CDKN2AIPNL: variants seen among roughly 807,000 people sequenced by gnomAD.
CDKN2AIPNL encodes the protein CDKN2AIP N-terminal-like protein.
In CDKN2AIPNL, 9 loss-of-function variants were observed where a neutral mutation model predicts 12.9. The observed-to-expected ratio is 0.70, with a 90% CI of 0.42 to 1.22. CDKN2AIPNL has a LOEUF of 1.22. CDKN2AIPNL is among the 50% of genes most tolerant of loss of function. CDKN2AIPNL has a pLI of 0.00. For missense variants in CDKN2AIPNL, 143 were observed against 153.6 expected (o/e 0.93, Z 0.37); for synonymous variants, 53 against 61.7 (o/e 0.86, Z 0.66).
At chr5:134,408,397 C>T (rs1350916690) in intron 2 of CDKN2AIPNL, among the ~76,000 whole-genome samples, 2 of 151,320 alleles carry the variant, frequency 1.3e-5, no homozygotes, top group Admixed American at 6.6e-5. Context: ...AGTCCTGGTG[C>T]GGTGGCTCAC....
intron 2 of CDKN2AIPNL, among the ~76,000 whole-genome samples, chr5:134,407,255 TAACACACA>T (rs1759118648): frequency 1.7e-5 from 1 of 58,956 alleles, no homozygotes; most frequent in South Asian, 6.8e-4. Context: ...AGACCCTTCC[TAACACACA>T]CACACACACA....
At position 134,402,985 on chromosome 5, in the gene CDKN2AIPNL, T is replaced by C. The variant is rs1458629634; in HGVS notation, c.340-59A>G. ...CATGTAGTCCAGTGAATCAAATTCA[T>C]CTTCATAAATTAAAATATAGCAGTG... On this transcript the variant is annotated intron_variant, in intron 2 of 2. Transcript: ENST00000458198. The C allele has an allele frequency of 2.1e-6, 3 of 1,453,500 alleles. No homozygotes were observed. The African/African-American group carries it at 4.2e-5, about 20-fold the overall frequency. 90.0% of individuals were successfully genotyped at this position (1,453,500 alleles called of 1,614,324 possible).
rs1759038426 is a variant in CDKN2AIPNL at position 134,402,181 on chromosome 5, C to G, written c.*734G>C. ...GTGCGATCTTGGCTCACTGCAACCT[C>G]CACCTCCCAGGTTCAAGCAGTTCTT... On this transcript the variant is annotated 3_prime_UTR_variant, in exon 3 of 3. Coordinates refer to ENST00000458198, the MANE Select transcript of CDKN2AIPNL (RefSeq NM_080656.3). 1.3e-5 allele frequency: 2 copies of G among 152,116 alleles called. No homozygotes were observed. The highest frequency in any genetic ancestry group is 1.3e-4 in the Admixed American group (2 of 15,238). 9.4% of individuals were successfully genotyped at this position (152,116 alleles called of 1,614,324 possible). A position where few individuals can be genotyped will look rare whatever the true frequency, so the allele number is the denominator to read the frequency against.
At position 134,411,819 on chromosome 5, in the gene CDKN2AIPNL, C is replaced by T. The variant is rs1434065255; in HGVS notation, c.36G>A (p.Glu12=). The T allele has an allele frequency of 6.3e-7, 1 of 1,596,876 alleles. No homozygotes were observed. The highest frequency in any genetic ancestry group is 8.5e-7 in the Non-Finnish European group (1 of 1,172,890). The change falls in exon 1 of 3, where the codon GAG becomes GAA. Residue 12 remains glutamate (E), a synonymous_variant. Coordinates refer to ENST00000458198, the MANE Select transcript of CDKN2AIPNL (RefSeq NM_080656.3). ...VGGEAAAAVE[E]LVSGVRQAAD... The stretch of plus-strand genomic sequence containing the variant: ...CCGCCTGCCGCACCCCCGAAACCAG[C>T]TCCTCCACTGCGGCAGCCGCCTCGC...
At chr5:134,409,429 G>A (rs867323617) in intron 2 of CDKN2AIPNL, among the ~76,000 whole-genome samples, 11 of 152,112 alleles carry the variant, frequency 7.2e-5, no homozygotes, top group African/African-American at 2.2e-4. Context: ...AAAGCCCATC[G>A]CCTGAGATCA....
At position 134,411,842 on chromosome 5, in the gene CDKN2AIPNL, C is replaced by A. The variant is rs747580928; in HGVS notation, c.13G>T (p.Glu5Ter). The A allele has an allele frequency of 1.3e-6, 2 of 1,566,480 alleles. No individual in the cohort carries two copies. Among genetic ancestry groups the A allele is most frequent in the South Asian group, 2.3e-5 (2 of 86,284 alleles). Residue 5 changes from glutamate to a stop codon, truncating the protein, a stop_gained, in exon 1 of 3, where the codon GAG becomes TAG. Transcript: ENST00000458198. LOFTEE classifies it high-confidence loss of function. MVGG[E>*]AAAAVEELVS... Reference sequence around the variant, plus strand: ...AGCTCCTCCACTGCGGCAGCCGCCTCGCCACCGACCATGGTGCCCGCCGCA... The same window carrying A: ...AGCTCCTCCACTGCGGCAGCCGCCTAGCCACCGACCATGGTGCCCGCCGCA...
At position 134,405,395 on chromosome 5, in the gene CDKN2AIPNL, G is replaced by A. The variant is rs866636058; in HGVS notation, c.340-2469C>T. ...GCTGGGATTACAGGCGTGAGCCACC[G>A]CGCCCAGCCCATTTTTCTTTTTTTT... On this transcript the variant is annotated intron_variant, in intron 2 of 2. Transcript: ENST00000458198. Among the ~76,000 whole-genome samples the A allele has an allele frequency of 4.9e-3, 713 of 144,846 alleles. 7 individuals carry two copies. The highest frequency in any genetic ancestry group is 0.017 in the African/African-American group (668 of 38,892).
chr5:134,402,806 G>C lies in CDKN2AIPNL; in HGVS notation c.*109C>G. 1 of 911,722 alleles carries C rather than the reference G, an allele frequency of 1.1e-6. No homozygotes were observed. The highest frequency in any genetic ancestry group is 1.7e-6 in the Non-Finnish European group (1 of 595,184). 56.5% of individuals were successfully genotyped at this position (911,722 alleles called of 1,614,324 possible). ...CTTCTCATTCCACCTGCCTCTTTAT[G>C]TTGGTAATACCAGGAGTCTTAAGAG... On this transcript the variant is annotated 3_prime_UTR_variant, in exon 3 of 3. Transcript: ENST00000458198.
At chr5:134,406,249 T>C (rs191831693) in intron 2 of CDKN2AIPNL, among the ~76,000 whole-genome samples, 4 of 152,374 alleles carry the variant, frequency 2.6e-5, no homozygotes, top group Admixed American at 6.5e-5. Context: ...ACTGTCTGTC[T>C]TGAGATACCA....
At chr5:134,408,314 C>T (rs1192992848) in intron 2 of CDKN2AIPNL, among the ~76,000 whole-genome samples, 1 of 151,582 alleles carries the variant, frequency 6.6e-6, no homozygotes, top group African/African-American at 2.4e-5. Flanking sequence ...TGAGAAGATC[C>T]AAAAAGCCAC....
intron 1 of CDKN2AIPNL, chr5:134,410,685 A>C: frequency 8.5e-6 from 2 of 234,832 alleles, no homozygotes; most frequent in East Asian, 1.7e-4. Flanking sequence ...AAGGCAGGGA[A>C]AAGGGACGGG....
intron 2 of CDKN2AIPNL, among the ~76,000 whole-genome samples, chr5:134,404,473 G>C (rs778881548): frequency 6.6e-6 from 1 of 151,986 alleles, no homozygotes; most frequent in Non-Finnish European, 1.5e-5. Context: ...ACAGGCATGC[G>C]CAACTATGCC....
At chr5:134,403,937 T>C (rs1183917101) in intron 2 of CDKN2AIPNL, among the ~76,000 whole-genome samples, 1 of 152,194 alleles carries the variant, frequency 6.6e-6, no homozygotes. Context: ...GTCAGTCTTT[T>C]TCAGATGAAA....
intron 2 of CDKN2AIPNL, among the ~76,000 whole-genome samples, chr5:134,403,875 C>T (rs1049641023): frequency 2.6e-5 from 4 of 152,218 alleles, no homozygotes; most frequent in Non-Finnish European, 5.9e-5. Context: ...CCACCCACCT[C>T]GGCCTCCCAA....
chr5:134,403,752 G>A (rs1013894510), intron 2 of CDKN2AIPNL, among the ~76,000 whole-genome samples: 3 of 152,186 alleles, frequency 2.0e-5, no homozygotes, highest in African/African-American at 7.2e-5. Flanking sequence ...AGCCTCCCGA[G>A]TAGCTGTGAT....
chr5:134,406,543 C>T (rs893883527), intron 2 of CDKN2AIPNL, among the ~76,000 whole-genome samples: 4 of 152,142 alleles, frequency 2.6e-5, no homozygotes, highest in Non-Finnish European at 5.9e-5. Context: ...GCCTTCAATA[C>T]CACACAAATT....
At chr5:134,410,971 G>A in intron 1 of CDKN2AIPNL, 1 of 700,596 alleles carries the variant, frequency 1.4e-6, no homozygotes, top group Non-Finnish European at 2.6e-6. Context: ...TGTCCTTTTG[G>A]TGCTGCAGCC....
chr5:134,411,230 TTC>T (rs1759186127), intron 1 of CDKN2AIPNL: 1 of 646,978 alleles, frequency 1.5e-6, no homozygotes. Flanking sequence ...GGATCTCCGT[TTC>T]TCTCTCTGCA....
intron 1 of CDKN2AIPNL, 47 bp downstream of exon 1, chr5:134,411,569 G>A (rs1179666118): frequency 6.5e-7 from 1 of 1,530,492 alleles, no homozygotes; most frequent in Non-Finnish European, 9.0e-7. Context: ...AGGCCTTGAG[G>A]GTCGGAAGAT....
Sources: allele counts gnomAD v4.1 joint callset (sites outside exome capture counted in the v4.1 genomes callset), GRCh38; gene constraint gnomAD v4.1.1; transcripts MANE v1.5; gene names NCBI Gene and HGNC (gene_info 2026-07-23, HGNC 2026-07-21).